GALNT13: variants seen among roughly 807,000 people sequenced by gnomAD.
GALNT13 encodes the protein polypeptide N-acetylgalactosaminyltransferase 13.
Under a neutral mutation model 64.2 loss-of-function variants are expected in GALNT13, and 28 were observed. That is an observed-to-expected ratio of 0.44 (90% CI 0.32 to 0.60). The LOEUF is 0.60. Among genes scored for constraint, GALNT13 ranks in the 20% least tolerant of loss-of-function variants. GALNT13 has a pLI of 0.05. For missense variants in GALNT13, 577 were observed against 669.8 expected, an observed-to-expected ratio of 0.86 and a Z score of 1.53; for synonymous variants, 214 against 224.6, an observed-to-expected ratio of 0.95 and a Z score of 0.42.
the GALNT13 span, among the ~76,000 whole-genome samples, chr2:153,119,084 G>T: frequency 0.14 from 20,879 of 151,974 alleles, 1,648 homozygotes; most frequent in Middle Eastern, 0.2. Context: ...ATGTGAAGAA[G>T]AACATGTTTG....
intron 1 of GALNT13, among the ~76,000 whole-genome samples, chr2:153,887,241 T>C (rs1178971361): frequency 1.3e-5 from 2 of 150,596 alleles, no homozygotes; most frequent in Non-Finnish European, 3.0e-5. Context: ...ATGTACTGAT[T>C]GTTGTGCTTG....
the GALNT13 span, among the ~76,000 whole-genome samples, chr2:153,518,028 G>A: frequency 6.6e-6 from 1 of 152,058 alleles, no homozygotes; most frequent in Admixed American, 6.6e-5. Context: ...CCAGAAATGA[G>A]TATCATCTTT....
chr2:153,478,793 C>G, the GALNT13 span: 1 of 467,790 alleles, frequency 2.1e-6, no homozygotes, highest in Non-Finnish European at 3.8e-6. Context: ...TGGTGGTGCT[C>G]GTTCCCGGCG....
intron 3 of GALNT13, among the ~76,000 whole-genome samples, chr2:153,945,764 A>T (rs930427633): frequency 6.6e-6 from 1 of 152,168 alleles, no homozygotes; most frequent in South Asian, 2.1e-4. Context: ...TTTGCTTTAG[A>T]TTGCAAATCA....
rs149095408 is a variant in GALNT13 at position 154,408,258 on chromosome 2, A to G, written c.1297-726A>G. 8.7e-3 allele frequency among the ~76,000 whole-genome samples: 1,330 copies of G among 152,198 alleles called. 15 individuals carry two copies. Among genetic ancestry groups the G allele is most frequent in the Middle Eastern group, 0.027 (8 of 294 alleles). ...TGGTTTTGTAATTACATTTGGCACA[A>G]ATATGTATTAACTTTATGTTAATTA... On this transcript the variant is annotated intron_variant, in intron 10 of 12. Coordinates refer to ENST00000392825, the MANE Select transcript of GALNT13 (RefSeq NM_052917.4).
At chr2:153,899,982 C>T (rs2105289925) in intron 1 of GALNT13, among the ~76,000 whole-genome samples, 1 of 135,198 alleles carries the variant, frequency 7.4e-6, no homozygotes, top group Admixed American at 8.5e-5. Context: ...GTCTCCCAGG[C>T]TGGAGTGCAG....
the GALNT13 span, among the ~76,000 whole-genome samples, chr2:153,457,511 G>T: frequency 6.6e-6 from 1 of 152,026 alleles, no homozygotes; most frequent in Non-Finnish European, 1.5e-5. Context: ...AAATAAAAAT[G>T]TTATTAAGCA....
At chr2:154,186,730 T>A (rs1686271788) in intron 4 of GALNT13, among the ~76,000 whole-genome samples, 1 of 152,130 alleles carries the variant, frequency 6.6e-6, no homozygotes, top group Non-Finnish European at 1.5e-5. Flanking sequence ...CCTAGTAGAC[T>A]TACAGGTTAA....
chr2:154,077,623 AT>A (rs1701056624), intron 3 of GALNT13, among the ~76,000 whole-genome samples: 1 of 151,572 alleles, frequency 6.6e-6, no homozygotes, highest in Non-Finnish European at 1.5e-5. Flanking sequence ...GCTGGTGAGA[AT>A]TTAAATAGAC....
the GALNT13 span, among the ~76,000 whole-genome samples, chr2:153,405,834 T>A: frequency 6.6e-6 from 1 of 152,200 alleles, no homozygotes; most frequent in Non-Finnish European, 1.5e-5. Context: ...CTGCCCTGCC[T>A]AGAACTTTCC....
At chr2:153,168,013 A>C in the GALNT13 span, among the ~76,000 whole-genome samples, 4 of 152,286 alleles carry the variant, frequency 2.6e-5, no homozygotes, top group Middle Eastern at 6.8e-3. Context: ...ATGACTCCTC[A>C]AGATTTAGCC....
At chr2:153,481,615 G>A in the GALNT13 span, among the ~76,000 whole-genome samples, 1 of 152,152 alleles carries the variant, frequency 6.6e-6, no homozygotes, top group Non-Finnish European at 1.5e-5. Flanking sequence ...ATAGGTAGGT[G>A]TGATTTTATG....
chr2:153,304,184 G>C, the GALNT13 span, among the ~76,000 whole-genome samples: 1 of 91,100 alleles, frequency 1.1e-5, no homozygotes, highest in Non-Finnish European at 2.5e-5. Context: ...GTCCAGACTA[G>C]ACAAGTAACT....
intron 2 of GALNT13, among the ~76,000 whole-genome samples, chr2:153,921,268 T>C (rs1193738025): frequency 6.6e-6 from 1 of 152,144 alleles, no homozygotes; most frequent in African/African-American, 2.4e-5. Flanking sequence ...ATGGAACATA[T>C]ACACCATGAA....
intron 3 of GALNT13, among the ~76,000 whole-genome samples, chr2:153,983,311 ATAT>A (rs1574263145): frequency 2.0e-5 from 3 of 151,802 alleles, no homozygotes; most frequent in Admixed American, 6.6e-5. Flanking sequence ...CGGTATGAAA[ATAT>A]TATCAATTCA....
chr2:153,335,145 C>G, the GALNT13 span, among the ~76,000 whole-genome samples: 3,281 of 152,270 alleles, frequency 0.022, 137 homozygotes, highest in African/African-American at 0.073. Flanking sequence ...CCACATGGAA[C>G]TGTAAGTCCA....
intron 8 of GALNT13, among the ~76,000 whole-genome samples, chr2:154,277,637 G>A (rs1324280635): frequency 1.3e-5 from 2 of 152,058 alleles, no homozygotes; most frequent in Non-Finnish European, 2.9e-5. Context: ...TAATGTTGAG[G>A]GGAGAATTTC....
At chr2:154,214,876 G>C (rs918297540) in intron 4 of GALNT13, among the ~76,000 whole-genome samples, 1 of 152,172 alleles carries the variant, frequency 6.6e-6, no homozygotes, top group Admixed American at 6.5e-5. Flanking sequence ...TGTGCTGGCT[G>C]TACCCTTAAG....
the GALNT13 span, among the ~76,000 whole-genome samples, chr2:153,858,644 T>A: frequency 6.6e-6 from 1 of 152,188 alleles, no homozygotes; most frequent in Admixed American, 6.6e-5. Context: ...TGTTAATCAC[T>A]TAATGTTCTT....
Sources: allele counts gnomAD v4.1 joint callset (sites outside exome capture counted in the v4.1 genomes callset), GRCh38; gene constraint gnomAD v4.1.1; transcripts MANE v1.5; gene names NCBI Gene and HGNC (gene_info 2026-07-23, HGNC 2026-07-21).